ZNF121: variants seen among roughly 807,000 people sequenced by gnomAD.
ZNF121 encodes zinc finger protein 121 (clone ZHC32).
ZNF121 carries 1 observed loss-of-function variant against 2.4 expected under a neutral mutation model. The ratio of observed to expected loss-of-function variants is 0.41; its 90% CI spans 0.15 to 1.94. The LOEUF is 1.94. Ranked by LOEUF, ZNF121 falls within the 30% of genes most tolerant of loss-of-function variation. The pLI is 0.30. For synonymous variants in ZNF121, 173 were observed against 158.6 expected, an observed-to-expected ratio of 1.09 and a Z score of -0.68; for missense variants, 369 against 466.3, an observed-to-expected ratio of 0.79 and a Z score of 1.92.
chr19:9,560,923 C>T lies in ZNF121; in HGVS notation c.*5017G>A, dbSNP rs1056725583. On this transcript the variant is annotated 3_prime_UTR_variant, in exon 4 of 4. Coordinates refer to ENST00000320451, the MANE Select transcript of ZNF121 (RefSeq NM_001008727.5). ...TAAAGATAAGAACTGTGAATAAAAA[C>T]TGAATTCTGGTTAGTTGATTTTTAA... 2 of 152,168 alleles carry T rather than the reference C, an allele frequency of 1.3e-5. No homozygotes were observed. Among genetic ancestry groups the T allele is most frequent in the South Asian group, 2.1e-4 (1 of 4,828 alleles). The allele number at this position is 152,168 out of a possible 1,614,324, so 9.4% of individuals were successfully genotyped here.
At chr19:9,582,085 T>G (rs1392436626) in intron 1 of ZNF121, among the ~76,000 whole-genome samples, 1 of 152,098 alleles carries the variant, frequency 6.6e-6, no homozygotes, top group Non-Finnish European at 1.5e-5. Context: ...GCAGGTGAAC[T>G]GCCTGAGCTC....
chr19:9,574,727 A>T (rs1369812535), intron 1 of ZNF121, among the ~76,000 whole-genome samples: 1 of 152,210 alleles, frequency 6.6e-6, no homozygotes, highest in African/African-American at 2.4e-5. Flanking sequence ...TCTTCAAATA[A>T]GGAATAGGAA....
chr19:9,575,527 G>A (rs1023367531), intron 1 of ZNF121, among the ~76,000 whole-genome samples: 3 of 152,044 alleles, frequency 2.0e-5, no homozygotes, highest in East Asian at 1.9e-4. Context: ...GGCAGATCAC[G>A]AGGTCAGAAG....
intron 1 of ZNF121, among the ~76,000 whole-genome samples, chr19:9,581,054 A>G (rs1473186059): frequency 6.6e-6 from 1 of 152,226 alleles, no homozygotes; most frequent in African/African-American, 2.4e-5. Flanking sequence ...AGTTTGTAGG[A>G]AATCGCATGA....
At chr19:9,579,800 CTT>C (rs1260484577) in intron 1 of ZNF121, among the ~76,000 whole-genome samples, 1 of 152,154 alleles carries the variant, frequency 6.6e-6, no homozygotes, top group East Asian at 1.9e-4. Flanking sequence ...AAGAGAATAA[CTT>C]GATTTTCCTG....
chr19:9,569,525 G>C (rs2074158019), intron 1 of ZNF121, among the ~76,000 whole-genome samples: 1 of 151,522 alleles, frequency 6.6e-6, no homozygotes, highest in Admixed American at 6.6e-5. Flanking sequence ...TCATTATTTT[G>C]TTTTCTGGTT....
Position 9,566,214 on chromosome 19 carries a change from T to C in ZNF121, c.899A>G (p.His300Arg), listed in dbSNP as rs1461352323. ...TCCAGTATGGATTTTTACATGATTA[T>C]GTAAGCTTGAGGAAACAGTGAATGC... ...GKAFTVSSSL[H>R]NHVKIHTGEK... is the part of the protein sequence containing the mutation. The change falls in exon 4 of 4, where the codon CAT becomes CGT. Residue 300 changes from histidine (H) to arginine (R), a missense_variant. This residue lies in a region of ZNF121 where 127 missense variants were observed against 169.9 expected (regional missense o/e 0.75). Transcript: ENST00000320451. The C allele has an allele frequency of 2.5e-6, 4 of 1,613,914 alleles. No homozygotes were observed. Among genetic ancestry groups the C allele is most frequent in the Admixed American group, 1.7e-5 (1 of 60,002 alleles).
At chr19:9,582,917 T>TA (rs2074258009) in intron 1 of ZNF121, among the ~76,000 whole-genome samples, 1 of 151,438 alleles carries the variant, frequency 6.6e-6, no homozygotes, top group Non-Finnish European at 1.5e-5. Context: ...ATATTCTGAT[T>TA]ATAAAGCCTC....
intron 1 of ZNF121, among the ~76,000 whole-genome samples, chr19:9,571,495 T>G (rs1255696091): frequency 1.3e-5 from 2 of 152,220 alleles, no homozygotes; most frequent in African/African-American, 4.8e-5. Flanking sequence ...ACATAATTTC[T>G]GTCACTTGGT....
intron 1 of ZNF121, among the ~76,000 whole-genome samples, chr19:9,578,264 C>T (rs374744490): frequency 1.1e-4 from 17 of 150,686 alleles, no homozygotes; most frequent in African/African-American, 3.4e-4. Flanking sequence ...CATGGTGGTG[C>T]GTGCCTGTAG....
intron 1 of ZNF121, among the ~76,000 whole-genome samples, chr19:9,583,664 TG>T (rs1194667837): frequency 6.6e-6 from 1 of 151,440 alleles, no homozygotes; most frequent in African/African-American, 2.4e-5. Context: ...CCATCGCGCC[TG>T]GCTAATTTTT....
intron 1 of ZNF121, among the ~76,000 whole-genome samples, chr19:9,570,748 G>C (rs892621792): frequency 6.6e-6 from 1 of 151,888 alleles, no homozygotes; most frequent in African/African-American, 2.4e-5. Context: ...TTGCGAGGGG[G>C]GGGGGTATTT....
At position 9,564,110 on chromosome 19, in the gene ZNF121, T is replaced by C. The variant is rs1393950756; in HGVS notation, c.*1830A>G. ...TAGCTGCCACTAATAATGCTTCTTC[T>C]GAGGGATCTGGATAAATTAAGTTGC... On this transcript the variant is annotated 3_prime_UTR_variant, in exon 4 of 4. Transcript: ENST00000320451. The C allele has an allele frequency of 2.0e-5, 3 of 152,236 alleles. No individual in the cohort carries two copies. Among genetic ancestry groups the C allele is most frequent in the Non-Finnish European group, 4.4e-5 (3 of 68,042 alleles). 9.4% of individuals were successfully genotyped at this position (152,236 alleles called of 1,614,324 possible). A position where few individuals can be genotyped will look rare whatever the true frequency, so the allele number is the denominator to read the frequency against.
At chr19:9,578,700 A>G (rs73494974) in intron 1 of ZNF121, among the ~76,000 whole-genome samples, 4,915 of 152,296 alleles carry the variant, frequency 0.032, 277 homozygotes, top group African/African-American at 0.11. Context: ...AAAACAGATT[A>G]AAGACATCTA....
chr19:9,581,723 T>A (rs1325875165), intron 1 of ZNF121, among the ~76,000 whole-genome samples: 2 of 152,114 alleles, frequency 1.3e-5, no homozygotes, highest in African/African-American at 2.4e-5. Flanking sequence ...ACAATTGCAA[T>A]GTAAAAATCT....
chr19:9,564,012 C>T lies in ZNF121; in HGVS notation c.*1928G>A, dbSNP rs1465824882. 1.3e-5 allele frequency: 2 copies of T among 152,212 alleles called. No individual in the cohort carries two copies. Among genetic ancestry groups the T allele is most frequent in the Non-Finnish European group, 2.9e-5 (2 of 68,050 alleles). The allele number at this position is 152,212 out of a possible 1,614,324, so 9.4% of individuals were successfully genotyped here. ...AGATTGGCGTTTTCATGTCTGCTAA[C>T]CGCAGCCCATGGATTCTGGAATAAT... On this transcript the variant is annotated 3_prime_UTR_variant, in exon 4 of 4. Coordinates refer to ENST00000320451, the MANE Select transcript of ZNF121 (RefSeq NM_001008727.5).
In ZNF121 at chr19:9,565,025, A is replaced by G. The variant is rs1165938776; in HGVS notation, c.*915T>C. On this transcript the variant is annotated 3_prime_UTR_variant, in exon 4 of 4. Transcript: ENST00000320451. The stretch of plus-strand genomic sequence containing the variant: ...AGGTACTTTACTTAGACATAACACA[A>G]CTGCACACAAGAGACTACCATATGA... 6.6e-6 allele frequency: 1 copy of G among 152,136 alleles called. No individual in the cohort carries two copies. The highest frequency in any genetic ancestry group is 6.5e-5 in the Admixed American group (1 of 15,278). 9.4% of individuals were successfully genotyped at this position (152,136 alleles called of 1,614,324 possible).
intron 3 of ZNF121, 129 bp from the exon 4 acceptor site, chr19:9,567,238 G>T: frequency 1.3e-6 from 1 of 752,190 alleles, no homozygotes; most frequent in Non-Finnish European, 2.1e-6. Flanking sequence ...TACAGTTGCT[G>T]CCCCATGTAT....
intron 1 of ZNF121, among the ~76,000 whole-genome samples, chr19:9,581,060 C>T (rs1383678838): frequency 6.6e-6 from 1 of 152,036 alleles, no homozygotes; most frequent in African/African-American, 2.4e-5. Flanking sequence ...TAGGAAATCG[C>T]ATGAAATAAA....
Sources: allele counts gnomAD v4.1 joint callset (sites outside exome capture counted in the v4.1 genomes callset), GRCh38; gene constraint gnomAD v4.1.1; regional missense constraint gnomAD v4.1.1; transcripts MANE v1.5; gene names NCBI Gene and HGNC (gene_info 2026-07-23, HGNC 2026-07-21).